BCKDHB: variants seen among roughly 807,000 people sequenced by gnomAD.
BCKDHB encodes the protein 2-oxoisovalerate dehydrogenase subunit beta, mitochondrial.
Under a neutral mutation model 48.5 loss-of-function variants are expected in BCKDHB, and 41 were observed. That is an observed-to-expected ratio of 0.85 (90% confidence interval 0.66 to 1.10). BCKDHB has a LOEUF of 1.10. Among genes scored for constraint, BCKDHB ranks in the 50% least tolerant of loss-of-function variants. BCKDHB has a pLI of 0.00. For synonymous variants in BCKDHB, 201 were observed against 174.8 expected (o/e 1.15, Z -1.18); for missense variants, 496 against 494.2 (o/e 1.00, Z -0.03).
rs538803091 is a variant in BCKDHB, at chr6:80,274,433, TA to T, written c.1038+1213del. ...TTATATAACATGAGTACCTAGTATT[TA>T]TTGTGTATTTTATACATTGAGTAGC... On this transcript the variant is annotated intron_variant, in intron 9 of 9. Transcript: ENST00000320393. Among the ~76,000 whole-genome samples the T allele has an allele frequency of 2.3e-4, 35 of 152,122 alleles. No homozygotes were observed. The East Asian group carries it at 6.4e-3, about 28-fold the overall frequency.
intron 6 of BCKDHB, among the ~76,000 whole-genome samples, chr6:80,195,148 T>C (rs1432027415): frequency 6.6e-6 from 1 of 151,604 alleles, no homozygotes; most frequent in Non-Finnish European, 1.5e-5. Flanking sequence ...CTTGCCAGCG[T>C]GGACAATTCT....
chr6:80,347,866 T>G (rs1248285820), downstream of BCKDHB, among the ~76,000 whole-genome samples: 1 of 151,990 alleles, frequency 6.6e-6, no homozygotes, highest in East Asian at 1.9e-4. Context: ...AAAGAAAGAG[T>G]CCATATTATG....
intron 8 of BCKDHB, among the ~76,000 whole-genome samples, chr6:80,258,722 C>T (rs985329003): frequency 2.0e-5 from 3 of 151,514 alleles, no homozygotes; most frequent in Admixed American, 6.6e-5. Context: ...ACATGTATTC[C>T]TTGATGTATT....
the BCKDHB span, among the ~76,000 whole-genome samples, chr6:80,371,029 G>C: frequency 1.1e-4 from 16 of 151,910 alleles, no homozygotes; most frequent in Non-Finnish European, 1.5e-4. Flanking sequence ...TGGATCAAAT[G>C]GTATATCTGC....
chr6:80,448,512 C>A, the BCKDHB span, among the ~76,000 whole-genome samples: 362 of 152,052 alleles, frequency 2.4e-3, 3 homozygotes, highest in Non-Finnish European at 3.6e-3. Context: ...AGAGATAGAG[C>A]AAATTGGAAG....
intron 9 of BCKDHB, among the ~76,000 whole-genome samples, chr6:80,307,083 C>T (rs1562218834): frequency 3.9e-5 from 6 of 152,276 alleles, no homozygotes; most frequent in East Asian, 3.9e-4. Flanking sequence ...GTCTGAGACT[C>T]GCTCCCTAGT....
At chr6:80,141,430 G>A (rs1771207633) in intron 3 of BCKDHB, among the ~76,000 whole-genome samples, 1 of 152,044 alleles carries the variant, frequency 6.6e-6, no homozygotes, top group African/African-American at 2.4e-5. Flanking sequence ...GAGTGCATTA[G>A]GTTGTTCTGG....
At position 80,344,162 on chromosome 6, in the gene BCKDHB, G is replaced by A. The variant is rs1011343818; in HGVS notation, c.*358G>A. Reference sequence around the variant, plus strand: ...TGGGATTACAGGCGCCCACCACCATGCCCAGCTAATTTTTGTGTTTTTATT... The same window carrying A: ...TGGGATTACAGGCGCCCACCACCATACCCAGCTAATTTTTGTGTTTTTATT... On this transcript the variant is annotated 3_prime_UTR_variant, in exon 10 of 10. Transcript: ENST00000320393. The A allele has an allele frequency of 1.4e-5, 4 of 293,444 alleles. No homozygotes were observed. The highest frequency in any genetic ancestry group is 4.7e-5 in the Admixed American group (1 of 21,322). The allele number at this position is 293,444 out of a possible 1,614,324, so 18.2% of individuals were successfully genotyped here.
At chr6:80,307,065 G>A (rs1038745678) in intron 9 of BCKDHB, among the ~76,000 whole-genome samples, 3 of 152,140 alleles carry the variant, frequency 2.0e-5, no homozygotes, top group African/African-American at 7.2e-5. Flanking sequence ...TACATAACTA[G>A]TAGCTAAGTC....
intron 9 of BCKDHB, among the ~76,000 whole-genome samples, chr6:80,338,318 G>A (rs1341596186): frequency 1.3e-5 from 2 of 151,982 alleles, no homozygotes; most frequent in African/African-American, 4.8e-5. Flanking sequence ...CTAACTTTTC[G>A]GAAGTTGACT....
intron 3 of BCKDHB, among the ~76,000 whole-genome samples, chr6:80,155,854 T>TA (rs1315617373): frequency 6.6e-6 from 1 of 151,674 alleles, no homozygotes. Context: ...TTTTTTTTTT[T>TA]TTAGGTTTTC....
chr6:80,238,826 C>T (rs1776256349), intron 8 of BCKDHB, among the ~76,000 whole-genome samples: 1 of 152,060 alleles, frequency 6.6e-6, no homozygotes, highest in South Asian at 2.1e-4. Context: ...GTTCAATTCC[C>T]ACCTATGAGT....
intron 9 of BCKDHB, among the ~76,000 whole-genome samples, chr6:80,277,778 A>G (rs1185020019): frequency 6.6e-6 from 1 of 151,210 alleles, no homozygotes; most frequent in Admixed American, 6.6e-5. Flanking sequence ...CTCTTTTCTT[A>G]GCATAAGAAC....
intron 9 of BCKDHB, among the ~76,000 whole-genome samples, chr6:80,309,796 G>A (rs1768063821): frequency 1.3e-5 from 2 of 152,074 alleles, no homozygotes; most frequent in Admixed American, 1.3e-4. Context: ...ACAGATTATT[G>A]GCCACACAGG....
the BCKDHB span, among the ~76,000 whole-genome samples, chr6:80,462,265 C>T: frequency 2.0e-5 from 3 of 152,126 alleles, no homozygotes; most frequent in African/African-American, 7.2e-5. Context: ...CTTTCTCCTT[C>T]AAGAGTTATT....
intron 6 of BCKDHB, among the ~76,000 whole-genome samples, chr6:80,178,878 CT>C (rs1406622265): frequency 6.6e-6 from 1 of 152,170 alleles, no homozygotes; most frequent in African/African-American, 2.4e-5. Context: ...AGGCTGCCGT[CT>C]TTCTAATACT....
intron 6 of BCKDHB, among the ~76,000 whole-genome samples, chr6:80,175,013 G>A (rs1201117594): frequency 6.6e-6 from 1 of 152,132 alleles, no homozygotes; most frequent in Non-Finnish European, 1.5e-5. Flanking sequence ...AAGTAATATG[G>A]AAATTTATTT....
At chr6:80,442,230 C>T in the BCKDHB span, among the ~76,000 whole-genome samples, 2 of 152,036 alleles carry the variant, frequency 1.3e-5, no homozygotes, top group South Asian at 4.1e-4. Flanking sequence ...TCTTTTAGAT[C>T]ATCACAGTTA....
chr6:80,239,854 T>C (rs1776306650), intron 8 of BCKDHB, among the ~76,000 whole-genome samples: 1 of 152,186 alleles, frequency 6.6e-6, no homozygotes. Context: ...ATTTATTAAA[T>C]AGGGAATCCT....
Sources: gnomAD v4.1 joint callset for allele counts (sites outside exome capture counted in the v4.1 genomes callset) on GRCh38, gnomAD v4.1.1 for gene constraint, MANE v1.5 for transcripts, NCBI Gene and HGNC (gene_info 2026-07-23, HGNC 2026-07-21) for gene names.